VAV3: variants seen among roughly 807,000 people sequenced by gnomAD.
VAV3 encodes guanine nucleotide exchange factor VAV3.
In VAV3, 94 loss-of-function variants were observed where a neutral mutation model predicts 131.2. The ratio of observed to expected loss-of-function variants is 0.72; its 90% CI spans 0.61 to 0.85. The LOEUF (loss-of-function observed/expected upper bound fraction) is 0.85, where lower values mean the gene tolerates loss of function less well. Among genes scored for constraint, VAV3 ranks in the 40% least tolerant of loss-of-function variants. VAV3 has a pLI of 0.00. For missense variants in VAV3, 939 were observed against 1,002.7 expected, an observed-to-expected ratio of 0.94 and a Z score of 0.86; for synonymous variants, 349 against 342.0, an observed-to-expected ratio of 1.02 and a Z score of -0.22.
At chr1:107,648,239 GCCTT>G (rs1655885093) in intron 19 of VAV3, among the ~76,000 whole-genome samples, 1 of 151,998 alleles carries the variant, frequency 6.6e-6, no homozygotes, top group Non-Finnish European at 1.5e-5. Context: ...AGGCAGAGAT[GCCTT>G]CCTTCAACTT....
chr1:107,757,478 A>C (rs1664175867), intron 10 of VAV3, 149 bp from the exon 11 acceptor site: 2 of 680,674 alleles, frequency 2.9e-6, no homozygotes, highest in Admixed American at 3.6e-5. Context: ...TCCATCAAAA[A>C]TTTCAAACTG....
intron 9 of VAV3, 82 bp from the exon 10 acceptor site, chr1:107,760,961 T>C (rs879507233): frequency 1.7e-5 from 15 of 859,180 alleles, no homozygotes; most frequent in Middle Eastern, 2.5e-4. Context: ...ACAGTTATTA[T>C]ACAATAAATG....
chr1:107,898,421 A>G (rs1671704428), intron 1 of VAV3, among the ~76,000 whole-genome samples: 3 of 152,236 alleles, frequency 2.0e-5, no homozygotes, highest in Non-Finnish European at 2.9e-5. Flanking sequence ...ATGAAGAAAC[A>G]GCAAGTTTCC....
intron 2 of VAV3, among the ~76,000 whole-genome samples, chr1:107,871,358 C>A (rs1055544046): frequency 2.8e-4 from 42 of 150,396 alleles, no homozygotes; most frequent in African/African-American, 4.9e-5. Context: ...CAGACCTCAG[C>A]AGTCTTAGAA....
At chr1:107,583,898 A>G (rs1433410976) in intron 25 of VAV3, among the ~76,000 whole-genome samples, 7 of 152,216 alleles carry the variant, frequency 4.6e-5, no homozygotes, top group Non-Finnish European at 8.8e-5. Flanking sequence ...CAGAATTGGA[A>G]AAAACTACTT....
chr1:107,757,126 T>G (rs1664146532), intron 11 of VAV3, 135 bp downstream of exon 11: 2 of 568,048 alleles, frequency 3.5e-6, no homozygotes, highest in Admixed American at 7.5e-5. Flanking sequence ...TGTATATATA[T>G]ATGTTTGTGT....
intron 15 of VAV3, among the ~76,000 whole-genome samples, chr1:107,706,287 G>A (rs747686260): frequency 4.6e-5 from 7 of 152,098 alleles, no homozygotes; most frequent in Non-Finnish European, 8.8e-5. Flanking sequence ...ACAGGCAGGC[G>A]ACCAGGCATC....
At chr1:107,756,589 T>C (rs981470625) in intron 11 of VAV3, among the ~76,000 whole-genome samples, 8 of 152,146 alleles carry the variant, frequency 5.3e-5, no homozygotes, top group African/African-American at 1.9e-4. Context: ...AAAGAACAAA[T>C]ATTTGCCTAC....
intron 15 of VAV3, among the ~76,000 whole-genome samples, chr1:107,744,846 A>G (rs1209622249): frequency 6.6e-6 from 1 of 152,194 alleles, no homozygotes; most frequent in African/African-American, 2.4e-5. Flanking sequence ...CTTATGGATA[A>G]AGAAACTCCT....
At chr1:107,913,348 T>C (rs1672456316) in intron 1 of VAV3, among the ~76,000 whole-genome samples, 1 of 152,232 alleles carries the variant, frequency 6.6e-6, no homozygotes, top group Non-Finnish European at 1.5e-5. Context: ...TCCAGTTTGA[T>C]GATCCTCTGG....
intron 2 of VAV3, among the ~76,000 whole-genome samples, chr1:107,843,321 T>C (rs1668811875): frequency 6.7e-6 from 1 of 149,902 alleles, no homozygotes. Flanking sequence ...AATAAAATTG[T>C]CATTAGAATT....
At chr1:107,942,720 C>T (rs1464898793) in intron 1 of VAV3, among the ~76,000 whole-genome samples, 1 of 152,150 alleles carries the variant, frequency 6.6e-6, no homozygotes, top group African/African-American at 2.4e-5. Flanking sequence ...AAAACCTGAT[C>T]TCTAGAATCC....
Position 107,772,788 on chromosome 1 carries a change from C to T in VAV3, c.502G>A (p.Glu168Lys). ...DLYDCVYGED[E>K]GGEVYEDLMK... is the part of the protein sequence containing the mutation. ...AAGTCCTCATAGACTTCTCCACCTT[C>T]ATCTTCCCCATAAACACAGTCATAG... The change falls in exon 5 of 27, where the codon GAA becomes AAA. Residue 168 changes from glutamate (E) to lysine (K), a missense_variant. Coordinates refer to ENST00000370056, the MANE Select transcript of VAV3 (RefSeq NM_006113.5). 2.5e-6 allele frequency: 4 copies of T among 1,613,926 alleles called. No individual in the cohort carries two copies. Among genetic ancestry groups the T allele is most frequent in the Non-Finnish European group, 3.4e-6 (4 of 1,179,904 alleles).
intron 15 of VAV3, among the ~76,000 whole-genome samples, chr1:107,719,150 A>G (rs1661322128): frequency 6.6e-6 from 1 of 152,260 alleles, no homozygotes; most frequent in Admixed American, 6.5e-5. Flanking sequence ...GGCATGGGCA[A>G]GGACTTCATG....
intron 11 of VAV3, 100 bp downstream of exon 11, chr1:107,757,151 ATATGTGTGTG>A (rs1664150054): frequency 1.7e-6 from 1 of 579,502 alleles, no homozygotes; most frequent in Non-Finnish European, 2.8e-6. Context: ...ATATGTGTGT[ATATGTGTGTG>A]TGTGTGTGTG....
intron 11 of VAV3, among the ~76,000 whole-genome samples, chr1:107,756,611 T>G (rs1570904760): frequency 6.6e-6 from 1 of 152,006 alleles, no homozygotes. Context: ...CTTTAAGTTA[T>G]TGGCAAATAT....
Position 107,910,487 on chromosome 1 carries a change from T to C in VAV3, c.205-35470A>G, listed in dbSNP as rs143299344. On this transcript the variant is annotated intron_variant, in intron 1 of 26. Coordinates refer to ENST00000370056, the MANE Select transcript of VAV3 (RefSeq NM_006113.5). Reference sequence around the variant, plus strand: ...ACATGATTAAAAGCCCCAATTAGCATTGCTGCAGTGACAGCTGACAGCAAG... The same window carrying C: ...ACATGATTAAAAGCCCCAATTAGCACTGCTGCAGTGACAGCTGACAGCAAG... 2.0e-4 allele frequency among the ~76,000 whole-genome samples: 31 copies of C among 152,320 alleles called. No homozygotes were observed. In the East Asian group the frequency reaches 4.8e-3, roughly 24 times the overall value.
At chr1:107,721,302 G>T (rs1661484165) in intron 15 of VAV3, among the ~76,000 whole-genome samples, 1 of 152,192 alleles carries the variant, frequency 6.6e-6, no homozygotes, top group African/African-American at 2.4e-5. Flanking sequence ...GGCTGCTACT[G>T]TATGGCTGTC....
intron 2 of VAV3, among the ~76,000 whole-genome samples, chr1:107,858,295 C>T (rs1669568021): frequency 1.3e-5 from 2 of 152,172 alleles, no homozygotes; most frequent in Admixed American, 1.3e-4. Flanking sequence ...TGAAATTATA[C>T]AAGATTTTCT....
Sources: allele counts gnomAD v4.1 joint callset (sites outside exome capture counted in the v4.1 genomes callset), GRCh38; gene constraint gnomAD v4.1.1; transcripts MANE v1.5; gene names NCBI Gene and HGNC (gene_info 2026-07-23, HGNC 2026-07-21).